Variants in LRRC4C observed in about 807,000 individuals in gnomAD.
LRRC4C encodes leucine-rich repeat-containing protein 4C.
A neutral mutation model predicts 33.6 loss-of-function variants in LRRC4C; 5 were observed. The observed-to-expected ratio is 0.15, with a 90% CI of 0.08 to 0.31. The LOEUF (loss-of-function observed/expected upper bound fraction) is 0.31. Among genes scored for constraint, LRRC4C ranks in the 10% least tolerant of loss-of-function variants. The pLI, the probability that LRRC4C is intolerant of heterozygous loss-of-function variation, is 1.00. For missense variants in LRRC4C, 560 were observed against 796.7 expected, an observed-to-expected ratio of 0.70 and a Z score of 3.58; for synonymous variants, 329 against 302.0, an observed-to-expected ratio of 1.09 and a Z score of -0.93.
rs114903679 is a variant in LRRC4C, at chr11:40,970,159, C to T, written c.-495-36436G>A. On this transcript the variant is annotated intron_variant, in intron 1 of 6. Transcript: ENST00000528697. ...AAAATCAGCAGAGCCTTCTAGCGAACCTCAAACCAAGAGATGGTAATTGAT... is the reference window on the plus strand; with the variant it reads ...AAAATCAGCAGAGCCTTCTAGCGAATCTCAAACCAAGAGATGGTAATTGAT... Among the ~76,000 whole-genome samples, 655 of 152,246 alleles carry T rather than the reference C, an allele frequency of 4.3e-3. 4 individuals are homozygous for T. The highest frequency in any genetic ancestry group is 0.015 in the African/African-American group (614 of 41,546).
At chr11:40,983,241 C>T (rs1565269065) in intron 1 of LRRC4C, among the ~76,000 whole-genome samples, 1 of 152,146 alleles carries the variant, frequency 6.6e-6, no homozygotes, top group African/African-American at 2.4e-5. Context: ...TGAAGAATCA[C>T]CACACTGTCT....
At chr11:41,176,856 T>C (rs1194898950) in intron 1 of LRRC4C, among the ~76,000 whole-genome samples, 1 of 151,948 alleles carries the variant, frequency 6.6e-6, no homozygotes, top group Non-Finnish European at 1.5e-5. Flanking sequence ...TCCTAGCTAC[T>C]GGGGAGGCTG....
At chr11:40,713,622 C>T (rs1946569519) in intron 2 of LRRC4C, among the ~76,000 whole-genome samples, 1 of 152,150 alleles carries the variant, frequency 6.6e-6, no homozygotes, top group Admixed American at 6.5e-5. Context: ...TAATTCTTTA[C>T]AGAGAAGTCA....
intron 5 of LRRC4C, among the ~76,000 whole-genome samples, chr11:40,174,242 C>T (rs956360409): frequency 3.9e-5 from 6 of 152,200 alleles, no homozygotes; most frequent in African/African-American, 9.6e-5. Context: ...TTGTGTTATG[C>T]GAAGAATACA....
At chr11:40,451,063 T>G (rs1951860544) in intron 3 of LRRC4C, among the ~76,000 whole-genome samples, 1 of 151,716 alleles carries the variant, frequency 6.6e-6, no homozygotes, top group African/African-American at 2.4e-5. Flanking sequence ...ATGCATAATA[T>G]ATATATTTAT....
intron 3 of LRRC4C, among the ~76,000 whole-genome samples, chr11:40,325,073 C>A (rs1438338308): frequency 6.6e-6 from 1 of 152,024 alleles, no homozygotes; most frequent in Admixed American, 6.5e-5. Flanking sequence ...TATTAGTCTT[C>A]TATGAACAGA....
chr11:40,818,954 G>A (rs1027023770), intron 2 of LRRC4C, among the ~76,000 whole-genome samples: 10 of 152,074 alleles, frequency 6.6e-5, no homozygotes, highest in African/African-American at 2.2e-4. Flanking sequence ...AGAACAGGTA[G>A]ATATAATACA....
intron 3 of LRRC4C, among the ~76,000 whole-genome samples, chr11:40,574,103 C>T (rs1012271213): frequency 1.3e-5 from 2 of 152,134 alleles, no homozygotes; most frequent in Non-Finnish European, 2.9e-5. Context: ...ATATTTTTTA[C>T]ACCTGAATGT....
intron 1 of LRRC4C, among the ~76,000 whole-genome samples, chr11:41,135,833 A>G (rs1377489458): frequency 6.6e-6 from 1 of 152,188 alleles, no homozygotes; most frequent in Non-Finnish European, 1.5e-5. Flanking sequence ...AACACTCCAG[A>G]GATAGGACCA....
chr11:40,617,296 T>C (rs1373631728), intron 3 of LRRC4C, among the ~76,000 whole-genome samples: 1 of 151,744 alleles, frequency 6.6e-6, no homozygotes, highest in East Asian at 1.9e-4. Context: ...TACAAAACAC[T>C]TGTATAAAGG....
intron 1 of LRRC4C, among the ~76,000 whole-genome samples, chr11:41,346,952 T>C (rs1029573943): frequency 6.6e-6 from 1 of 152,256 alleles, no homozygotes; most frequent in African/African-American, 2.4e-5. Context: ...CAATATGTCA[T>C]GGTGCATGCA....
At chr11:41,182,141 T>C (rs887513542) in intron 1 of LRRC4C, among the ~76,000 whole-genome samples, 1 of 152,204 alleles carries the variant, frequency 6.6e-6, no homozygotes, top group African/African-American at 2.4e-5. Context: ...ATTATACTCA[T>C]AGACCAGGGA....
chr11:40,563,049 T>C (rs771094580), intron 3 of LRRC4C, among the ~76,000 whole-genome samples: 2 of 152,108 alleles, frequency 1.3e-5, no homozygotes, highest in Non-Finnish European at 2.9e-5. Context: ...TCAGGTACTT[T>C]CCGCAGTAAA....
chr11:41,393,015 T>TA (rs1953666084), intron 1 of LRRC4C, among the ~76,000 whole-genome samples: 1 of 151,898 alleles, frequency 6.6e-6, no homozygotes, highest in Non-Finnish European at 1.5e-5. Flanking sequence ...CTTTCCTAAT[T>TA]GCTCCCACAG....
At chr11:40,986,444 A>T (rs560689721) in intron 1 of LRRC4C, among the ~76,000 whole-genome samples, 1 of 152,262 alleles carries the variant, frequency 6.6e-6, no homozygotes, top group East Asian at 1.9e-4. Flanking sequence ...CTAAAAATAA[A>T]AAATATTAGC....
intron 2 of LRRC4C, among the ~76,000 whole-genome samples, chr11:40,802,843 C>T (rs1308877921): frequency 6.6e-6 from 1 of 152,118 alleles, no homozygotes; most frequent in Non-Finnish European, 1.5e-5. Context: ...CTATTAGTTT[C>T]CAAATTTAGA....
At chr11:40,430,942 C>T (rs1448504750) in intron 3 of LRRC4C, among the ~76,000 whole-genome samples, 20 of 70,814 alleles carry the variant, frequency 2.8e-4, no homozygotes, top group South Asian at 5.2e-4. Context: ...CTCTGGGGAC[C>T]GTGGTGGGGT....
chr11:40,807,514 G>A (rs970320549), intron 2 of LRRC4C, among the ~76,000 whole-genome samples: 5 of 152,130 alleles, frequency 3.3e-5, no homozygotes, highest in African/African-American at 1.2e-4. Context: ...GGACAACTAA[G>A]TTGTATATTG....
In LRRC4C at chr11:41,051,520, C is replaced by CA. The variant is rs530003573; in HGVS notation, c.-495-117798dup. ...CTCAGTCCCTCCCAGGGTCTCAAGG[C>CA]AAAAAAAAAAAAAAAAAAAAAAAAA... On this transcript the variant is annotated intron_variant, in intron 1 of 6. Transcript: ENST00000528697. Among the ~76,000 whole-genome samples, 221 of 60,280 alleles carry CA rather than the reference C, an allele frequency of 3.7e-3. 8 individuals are homozygous for CA. The highest frequency in any genetic ancestry group is 0.014 in the African/African-American group (199 of 14,278). The allele number at this position is 60,280 out of a possible 152,430, so 39.5% of individuals were successfully genotyped here. A position where few individuals can be genotyped will look rare whatever the true frequency, so the allele number is the denominator to read the frequency against.
Sources: gnomAD v4.1 joint callset for allele counts (sites outside exome capture counted in the v4.1 genomes callset) on GRCh38, gnomAD v4.1.1 for gene constraint, MANE v1.5 for transcripts, NCBI Gene and HGNC (gene_info 2026-07-23, HGNC 2026-07-21) for gene names.